The following ABCC1 variants were observed in gnomAD, a reference collection of about 807,000 sequenced individuals.
The protein encoded by ABCC1 is multidrug resistance-associated protein 1.
A neutral mutation model predicts 172.9 loss-of-function variants in ABCC1; 83 were observed. That is an observed-to-expected ratio of 0.48 (90% CI 0.40 to 0.58). ABCC1 has a LOEUF of 0.58. Among genes scored for constraint, ABCC1 ranks in the 20% least tolerant of loss-of-function variants. The probability of loss-of-function intolerance (pLI) is 0.00; values close to 1 mark genes in which losing one functional copy is unlikely to be tolerated. For synonymous variants in ABCC1, 937 were observed against 825.2 expected (o/e 1.14, Z -2.32); for missense variants, 1,817 against 2,002.7 (o/e 0.91, Z 1.77).
chr16:16,137,545 CTTTTTTTTTTTT>C (rs151237296), intron 29 of ABCC1, among the ~76,000 whole-genome samples: 3 of 56,634 alleles, frequency 5.3e-5, no homozygotes, highest in African/African-American at 1.2e-4. Context: ...GGTATGAGGC[CTTTTTTTTTTTT>C]TTTTTTTTTT....
chr16:16,068,616 T>A (rs1409818898), intron 13 of ABCC1, among the ~76,000 whole-genome samples: 1 of 152,142 alleles, frequency 6.6e-6, no homozygotes, highest in Non-Finnish European at 1.5e-5. Flanking sequence ...ATCCTTTTTT[T>A]AAAAAACGTA....
chr16:16,024,687 G>A (rs2048311976), intron 5 of ABCC1, among the ~76,000 whole-genome samples: 1 of 152,152 alleles, frequency 6.6e-6, no homozygotes, highest in African/African-American at 2.4e-5. Flanking sequence ...ACTGTGGTGG[G>A]AGCTGAGGAA....
In ABCC1 at chr16:16,059,811, C is replaced by T. The variant is rs115340257; in HGVS notation, c.1677+3516C>T. Among the ~76,000 whole-genome samples the T allele has an allele frequency of 8.7e-3, 1,279 of 146,984 alleles. 25 individuals carry two copies. The highest frequency in any genetic ancestry group is 0.031 in the African/African-American group (1,215 of 38,928). On this transcript the variant is annotated intron_variant, in intron 12 of 30. Transcript: ENST00000399410. Reference sequence around the variant, plus strand: ...AGAGTGAGACCCTTTCCTGCTGCTGCCCCCCCACCCCCTCCCAGCCCCCCA... The same window carrying T: ...AGAGTGAGACCCTTTCCTGCTGCTGTCCCCCCACCCCCTCCCAGCCCCCCA...
At chr16:15,975,559 G>GT (rs10706261) in intron 1 of ABCC1, among the ~76,000 whole-genome samples, 30 of 149,704 alleles carry the variant, frequency 2.0e-4, no homozygotes, top group African/African-American at 4.2e-4. Flanking sequence ...TGTTTTTTTT[G>GT]TTTTTTTTTG....
intron 1 of ABCC1, among the ~76,000 whole-genome samples, chr16:15,954,711 G>A (rs1208691632): frequency 6.6e-6 from 1 of 152,158 alleles, no homozygotes; most frequent in Non-Finnish European, 1.5e-5. Flanking sequence ...CTCTCCTGAA[G>A]GGTCGTGTTC....
chr16:16,041,042 C>T (rs1345992489), intron 7 of ABCC1, among the ~76,000 whole-genome samples: 1 of 152,078 alleles, frequency 6.6e-6, no homozygotes, highest in Non-Finnish European at 1.5e-5. Context: ...ATCCTCCCAC[C>T]TCAGCTTCCC....
intron 29 of ABCC1, among the ~76,000 whole-genome samples, chr16:16,138,089 T>C (rs754153068): frequency 1.3e-5 from 2 of 152,060 alleles, no homozygotes; most frequent in African/African-American, 2.4e-5. Flanking sequence ...ATTCCTGGCT[T>C]CAAGCTATCC....
intron 28 of ABCC1, among the ~76,000 whole-genome samples, 162 bp from the exon 29 acceptor site, chr16:16,136,316 A>G (rs1168057716): frequency 6.6e-6 from 1 of 152,068 alleles, no homozygotes; most frequent in Non-Finnish European, 1.5e-5. Flanking sequence ...GAACCACCGT[A>G]CCTGGCCTTT....
intron 12 of ABCC1, among the ~76,000 whole-genome samples, chr16:16,057,812 G>C (rs545962402): frequency 6.6e-6 from 1 of 152,136 alleles, no homozygotes; most frequent in African/African-American, 2.4e-5. Flanking sequence ...GTCTCGCTCT[G>C]TCCCCCAGGC....
chr16:15,991,557 G>A (rs754830194), intron 1 of ABCC1, among the ~76,000 whole-genome samples: 4 of 151,978 alleles, frequency 2.6e-5, no homozygotes, highest in East Asian at 1.9e-4. Flanking sequence ...CACTGCGGGC[G>A]GAGCTGCAGG....
At chr16:15,970,407 A>G (rs962762431) in intron 1 of ABCC1, among the ~76,000 whole-genome samples, 1 of 152,230 alleles carries the variant, frequency 6.6e-6, no homozygotes, top group East Asian at 1.9e-4. Flanking sequence ...GAGGCTGGGA[A>G]ATGTAGTTTC....
chr16:16,124,969 G>A lies in ABCC1; in HGVS notation c.3717+54G>A, dbSNP rs2045368428. 4 of 1,610,614 alleles carry A rather than the reference G, an allele frequency of 2.5e-6. No homozygotes were observed. In the East Asian group the frequency reaches 6.7e-5, roughly 27 times the overall value. Reference sequence around the variant, plus strand: ...TTAAAGTCTGTTAATGGGGGAGCCAGTTGTCCTTGGCTTTGGATTCCAGCT... The same window carrying A: ...TTAAAGTCTGTTAATGGGGGAGCCAATTGTCCTTGGCTTTGGATTCCAGCT... On this transcript the variant is annotated intron_variant, in intron 25 of 30. Coordinates refer to ENST00000399410, the MANE Select transcript of ABCC1 (RefSeq NM_004996.4).
intron 23 of ABCC1, among the ~76,000 whole-genome samples, chr16:16,119,693 A>G (rs769547787): frequency 8.5e-5 from 13 of 152,214 alleles, no homozygotes; most frequent in Non-Finnish European, 1.6e-4. Context: ...TGTCTTAAAA[A>G]ATAAAATAAG....
rs529996467 is a variant in ABCC1, at chr16:15,991,296, G to A, written c.49-16520G>A. 2.0e-5 allele frequency among the ~76,000 whole-genome samples: 3 copies of A among 152,076 alleles called. 1 individual carries two copies. The highest frequency in any genetic ancestry group is 2.0e-4 in the Admixed American group (3 of 15,246). Reference sequence around the variant, plus strand: ...TTGTGTGTGTGTGTGGTGGGGTGCGGGGGGCTATGGGTATGTGGTGGGGTG... The same window carrying A: ...TTGTGTGTGTGTGTGGTGGGGTGCGAGGGGCTATGGGTATGTGGTGGGGTG... On this transcript the variant is annotated intron_variant, in intron 1 of 30. Transcript: ENST00000399410.
Position 16,086,901 on chromosome 16 carries a change from C to G in ABCC1, c.2370C>G (p.Leu790=), listed in dbSNP as rs374265929. ...TGTACTCCAACGCTGACATTTACCT[C>G]TTCGATGATCCCCTCTCAGCAGTGG... ...RAVYSNADIY[L]FDDPLSAVDA... Residue 790 remains leucine (L), a synonymous_variant, in exon 18 of 31, where the codon CTC becomes CTG. Transcript: ENST00000399410. 6.2e-7 allele frequency: 1 copy of G among 1,614,236 alleles called. No individual in the cohort carries two copies. The highest frequency in any genetic ancestry group is 8.5e-7 in the Non-Finnish European group (1 of 1,180,052).
intron 7 of ABCC1, among the ~76,000 whole-genome samples, chr16:16,039,853 A>G (rs560328094): frequency 2.8e-4 from 42 of 152,226 alleles, no homozygotes; most frequent in African/African-American, 9.9e-4. Context: ...CAGCCAGTGC[A>G]AAGGCTCTGA....
intron 12 of ABCC1, among the ~76,000 whole-genome samples, chr16:16,063,350 C>A (rs184943977): frequency 6.6e-6 from 1 of 152,064 alleles, no homozygotes; most frequent in Non-Finnish European, 1.5e-5. Context: ...TCAAGTGATC[C>A]GCCCACCTCG....
intron 1 of ABCC1, among the ~76,000 whole-genome samples, chr16:15,976,174 G>T (rs8045309): frequency 0.19 from 28,927 of 151,996 alleles, 3,465 homozygotes; most frequent in African/African-American, 0.33. Flanking sequence ...GGCTGAGGCA[G>T]GAGAATTGCT....
chr16:16,058,532 G>T (rs1254419044), intron 12 of ABCC1, among the ~76,000 whole-genome samples: 2 of 152,220 alleles, frequency 1.3e-5, no homozygotes, highest in African/African-American at 4.8e-5. Flanking sequence ...GCGTGTTCAT[G>T]CTCCCACTGA....
Sources: allele counts gnomAD v4.1 joint callset (sites outside exome capture counted in the v4.1 genomes callset), GRCh38; gene constraint gnomAD v4.1.1; transcripts MANE v1.5; gene names NCBI Gene and HGNC (gene_info 2026-07-23, HGNC 2026-07-21).